Variants in ACTL8 observed in about 807,000 individuals in gnomAD.
The protein encoded by ACTL8 is actin-like protein 8.
A neutral mutation model predicts 9.3 loss-of-function variants in ACTL8; 3 were observed. The ratio of observed to expected loss-of-function variants is 0.32; its 90% CI spans 0.15 to 0.83. The LOEUF is 0.83. Among genes scored for constraint, ACTL8 ranks in the 40% least tolerant of loss-of-function variants. The probability of loss-of-function intolerance (pLI) is 0.57; values close to 1 mark genes in which losing one functional copy is unlikely to be tolerated. For synonymous variants in ACTL8, 224 were observed against 205.9 expected, an observed-to-expected ratio of 1.09 and a Z score of -0.75; for missense variants, 381 against 492.2, an observed-to-expected ratio of 0.77 and a Z score of 2.14.
chr1:17,803,786 G>T (rs2066339801), intron 1 of ACTL8, among the ~76,000 whole-genome samples: 1 of 152,210 alleles, frequency 6.6e-6, no homozygotes, highest in African/African-American at 2.4e-5. Context: ...GACAGAGTGA[G>T]CGAGGGAGAG....
intron 1 of ACTL8, among the ~76,000 whole-genome samples, chr1:17,795,763 G>A (rs186006344): frequency 2.6e-5 from 4 of 152,304 alleles, no homozygotes; most frequent in South Asian, 2.1e-4. Flanking sequence ...CTCCCGTGCC[G>A]TTTGATTCCA....
chr1:17,762,223 C>T (rs995834107), intron 1 of ACTL8, among the ~76,000 whole-genome samples: 3 of 151,936 alleles, frequency 2.0e-5, no homozygotes, highest in East Asian at 1.9e-4. Context: ...CCAGAGAGTC[C>T]GAGCCTTCAG....
chr1:17,756,671 C>G (rs1053425423), intron 1 of ACTL8, among the ~76,000 whole-genome samples: 1 of 152,162 alleles, frequency 6.6e-6, no homozygotes, highest in African/African-American at 2.4e-5. Flanking sequence ...GGAGATGGAA[C>G]CACAGAGGTA....
chr1:17,770,643 A>G (rs762246745), intron 1 of ACTL8, among the ~76,000 whole-genome samples: 5 of 152,180 alleles, frequency 3.3e-5, no homozygotes, highest in Non-Finnish European at 7.3e-5. Context: ...ATACTGGCCA[A>G]TGTGCTGGTC....
intron 1 of ACTL8, among the ~76,000 whole-genome samples, chr1:17,813,550 T>G (rs536935696): frequency 6.6e-6 from 1 of 152,250 alleles, no homozygotes; most frequent in Non-Finnish European, 1.5e-5. Context: ...AAGAATAATA[T>G]ATCTTCATGA....
rs184756643 is a variant in ACTL8, at chr1:17,782,028, T to C, written c.-25+26524T>C. On this transcript the variant is annotated intron_variant, in intron 1 of 2. Transcript: ENST00000375406. ...GGAGACTGGCCATACCTCCTAGGTG[T>C]TACAGGCATCTTTAAGAACCTGATT... Among the ~76,000 whole-genome samples, 510 of 152,208 alleles carry C rather than the reference T, an allele frequency of 3.4e-3. 4 individuals are homozygous for C. Among genetic ancestry groups the C allele is most frequent in the African/African-American group, 0.012 (478 of 41,468 alleles).
chr1:17,759,558 T>A (rs1252799480), intron 1 of ACTL8, among the ~76,000 whole-genome samples: 1 of 152,182 alleles, frequency 6.6e-6, no homozygotes, highest in African/African-American at 2.4e-5. Flanking sequence ...TCTCCCCCAA[T>A]GTAGTGAGGC....
At chr1:17,806,001 A>G (rs2066357821) in intron 1 of ACTL8, among the ~76,000 whole-genome samples, 1 of 152,184 alleles carries the variant, frequency 6.6e-6, no homozygotes, top group Admixed American at 6.5e-5. Context: ...ACATTGGTGT[A>G]TCCATTCCGG....
intron 1 of ACTL8, among the ~76,000 whole-genome samples, chr1:17,812,912 A>G (rs1476050282): frequency 6.6e-6 from 1 of 152,204 alleles, no homozygotes; most frequent in African/African-American, 2.4e-5. Flanking sequence ...TGTTATTGTC[A>G]ATGATACTTT....
intron 1 of ACTL8, among the ~76,000 whole-genome samples, chr1:17,786,114 C>T (rs1426156731): frequency 6.6e-6 from 1 of 152,226 alleles, no homozygotes; most frequent in Non-Finnish European, 1.5e-5. Flanking sequence ...GCCATGTGGT[C>T]CTCTCCATAG....
At chr1:17,798,510 TTGG>T (rs1046816988) in intron 1 of ACTL8, among the ~76,000 whole-genome samples, 8 of 151,558 alleles carry the variant, frequency 5.3e-5, no homozygotes, top group African/African-American at 1.9e-4. Context: ...GGAGAGGGAG[TTGG>T]TGGAGGGGGC....
At chr1:17,815,211 G>A (rs964503284) in intron 1 of ACTL8, among the ~76,000 whole-genome samples, 3 of 152,156 alleles carry the variant, frequency 2.0e-5, no homozygotes, top group African/African-American at 7.2e-5. Flanking sequence ...TATTTTGGGA[G>A]GAGAAAAATA....
Position 17,783,999 on chromosome 1 carries a change from G to A in ACTL8, c.-25+28495G>A, listed in dbSNP as rs1338520853. On this transcript the variant is annotated intron_variant, in intron 1 of 2. Transcript: ENST00000375406. ...TGGCCGAGCTGCTTAAGCATGTTGA[G>A]CCTTAGTTGTCTAGTCTGTGATATG... Among the ~76,000 whole-genome samples the A allele has an allele frequency of 7.2e-5, 11 of 152,294 alleles. No individual in the cohort carries two copies. The East Asian group carries it at 2.1e-3, about 29-fold the overall frequency.
At chr1:17,759,473 G>A (rs550911276) in intron 1 of ACTL8, among the ~76,000 whole-genome samples, 46 of 152,354 alleles carry the variant, frequency 3.0e-4, no homozygotes, top group Non-Finnish European at 5.4e-4. Context: ...GGCACCCTGC[G>A]GGGCAGATTT....
chr1:17,817,211 G>A (rs1015351864), intron 1 of ACTL8, among the ~76,000 whole-genome samples: 1 of 147,130 alleles, frequency 6.8e-6, no homozygotes. Flanking sequence ...TTTCTGATCT[G>A]GGATCAGAAA....
intron 2 of ACTL8, among the ~76,000 whole-genome samples, chr1:17,825,296 T>G: frequency 6.6e-6 from 1 of 152,220 alleles, no homozygotes; most frequent in East Asian, 1.9e-4. Context: ...CTTTCCTTTT[T>G]CCTTCGTTCT....
At chr1:17,825,728 T>TG (rs752976207) in intron 2 of ACTL8, 39 bp from the exon 3 acceptor site, 1 of 1,588,488 alleles carries the variant, frequency 6.3e-7, no homozygotes, top group Admixed American at 1.7e-5. Context: ...CTGAGCAGGC[T>TG]GGGGGGAAAT....
chr1:17,812,575 G>A (rs931421692), intron 1 of ACTL8, among the ~76,000 whole-genome samples: 12 of 150,208 alleles, frequency 8.0e-5, no homozygotes, highest in African/African-American at 7.4e-5. Flanking sequence ...GACTACAGGC[G>A]TACGCCACCA....
intron 1 of ACTL8, among the ~76,000 whole-genome samples, chr1:17,810,652 A>C (rs1301642156): frequency 6.6e-6 from 1 of 152,158 alleles, no homozygotes; most frequent in Non-Finnish European, 1.5e-5. Flanking sequence ...CACCTCCAAA[A>C]ATTCCTCCAG....
Sources: allele counts gnomAD v4.1 joint callset (sites outside exome capture counted in the v4.1 genomes callset), GRCh38; gene constraint gnomAD v4.1.1; transcripts MANE v1.5; gene names NCBI Gene and HGNC (gene_info 2026-07-23, HGNC 2026-07-21).